Variants in DHH observed in about 807,000 individuals in gnomAD.
DHH encodes desert hedgehog signaling molecule, also known as desert hedgehog protein.
Under a neutral mutation model 27.6 loss-of-function variants are expected in DHH, and 16 were observed. The ratio of observed to expected loss-of-function variants is 0.58; its 90% confidence interval spans 0.39 to 0.88. The LOEUF (loss-of-function observed/expected upper bound fraction) is 0.88. Ranked by LOEUF, DHH falls within the 40% of genes least tolerant of loss-of-function variation. The probability of loss-of-function intolerance (pLI) is 0.00; values close to 1 mark genes in which losing one functional copy is unlikely to be tolerated. For synonymous variants in DHH, 289 were observed against 263.4 expected (o/e 1.10, Z -0.94); for missense variants, 436 against 563.1 (o/e 0.77, Z 2.28).
Position 49,090,603 on chromosome 12 carries a change from C to T in DHH, c.566-119G>A, listed in dbSNP as rs1939282351. The T allele has an allele frequency of 2.2e-6, 3 of 1,373,742 alleles. No homozygotes were observed. In the African/African-American group the frequency reaches 4.3e-5, roughly 20 times the overall value. 85.1% of individuals were successfully genotyped at this position (1,373,742 alleles called of 1,614,324 possible). The stretch of plus-strand genomic sequence containing the variant: ...ACAATTTTCCGTTAATCTGACTGGC[C>T]CCAACCTGGGCAGAAAAGGAAGGGC... On this transcript the variant is annotated intron_variant, in intron 2 of 2. Transcript: ENST00000649637. This position sits in a 1 kb window ranked among gnomAD's most constrained non-coding sequence, Gnocchi z 5.2.
At position 49,089,238 on chromosome 12, in the gene DHH, C is replaced by T. The variant is rs528365693; in HGVS notation, c.*621G>A. 2.0e-5 allele frequency among the ~76,000 whole-genome samples: 3 copies of T among 152,358 alleles called. No individual in the cohort carries two copies. The highest frequency in any genetic ancestry group is 6.5e-5 in the Admixed American group (1 of 15,300). On this transcript the variant is annotated 3_prime_UTR_variant, in exon 3 of 3. Transcript: ENST00000649637. ...CTGGATGGGAGACGGAAACAGCAGC[C>T]TGGAAAAGGGTACGACTCTTGTGGG...
intron 1 of DHH, 85 bp downstream of exon 1, chr12:49,094,124 GA>G: frequency 6.8e-7 from 1 of 1,463,454 alleles, no homozygotes; most frequent in Non-Finnish European, 9.5e-7. Flanking sequence ...CTCTGTAGGT[GA>G]AGCTGGACTC....
In DHH at chr12:49,089,683, C is replaced by A. The variant is rs1939259374; in HGVS notation, c.*176G>T. 1.3e-6 allele frequency: 1 copy of A among 769,246 alleles called. No homozygotes were observed. The highest frequency in any genetic ancestry group is 3.1e-5 in the East Asian group (1 of 32,366). 47.7% of individuals were successfully genotyped at this position (769,246 alleles called of 1,614,324 possible). A position where few individuals can be genotyped will look rare whatever the true frequency, so the allele number is the denominator to read the frequency against. ...ACCATCAGCCCTACCTACCTAGGAC[C>A]CGGTATCACCTCCTCTCAGTACGAG... On this transcript the variant is annotated 3_prime_UTR_variant, in exon 3 of 3. Coordinates refer to ENST00000649637, the MANE Select transcript of DHH (RefSeq NM_021044.4).
Position 49,089,699 on chromosome 12 carries a change from T to G in DHH, c.*160A>C, listed in dbSNP as rs772948509. The G allele has an allele frequency of 4.8e-5, 45 of 931,744 alleles. No homozygotes were observed. Among genetic ancestry groups the G allele is most frequent in the African/African-American group, 8.5e-5 (5 of 58,610 alleles). The allele number at this position is 931,744 out of a possible 1,614,324, so 57.7% of individuals were successfully genotyped here. A position where few individuals can be genotyped will look rare whatever the true frequency, so the allele number is the denominator to read the frequency against. Reference sequence around the variant, plus strand: ...ACCTAGGACCCGGTATCACCTCCTCTCAGTACGAGGTTGCCCCTAAGCCAG... The same window carrying G: ...ACCTAGGACCCGGTATCACCTCCTCGCAGTACGAGGTTGCCCCTAAGCCAG... On this transcript the variant is annotated 3_prime_UTR_variant, in exon 3 of 3. Coordinates refer to ENST00000649637, the MANE Select transcript of DHH (RefSeq NM_021044.4).
rs940186225 is a variant in DHH, at chr12:49,088,909, C to T, written c.*950G>A. ...ATATTCCAGCCTCTTACTGTGCCCC[C>T]CTTCCTTTTTCAGGCCATGACTATG... On this transcript the variant is annotated 3_prime_UTR_variant, in exon 3 of 3. Transcript: ENST00000649637. 3.9e-5 allele frequency among the ~76,000 whole-genome samples: 6 copies of T among 152,242 alleles called. No individual in the cohort carries two copies. Among genetic ancestry groups the T allele is most frequent in the Admixed American group, 2.0e-4 (3 of 15,286 alleles).
chr12:49,090,314 C>T lies in DHH; in HGVS notation c.736G>A (p.Asp246Asn). ...ACAAATGAAGCCCGGCGCTGCAAGT[C>T]CCGGTCCAGGAAGAGCAGCACCGGC... The part of the protein sequence containing the change: ...PTPVLLFLDR[D>N]LQRRASFVAV... Residue 246 changes from aspartate (D) to asparagine (N), a missense_variant, in exon 3 of 3, where the codon GAC becomes AAC. Transcript: ENST00000649637. The surrounding 1 kb of genome is among the most constrained non-coding windows in gnomAD (Gnocchi z 5.2). The T allele has an allele frequency of 2.5e-6, 4 of 1,600,744 alleles. No individual in the cohort carries two copies. Among genetic ancestry groups the T allele is most frequent in the South Asian group, 2.3e-5 (2 of 88,872 alleles).
rs1410404415 is a variant in DHH at position 49,089,253 on chromosome 12, A to G, written c.*606T>C. 1.3e-5 allele frequency among the ~76,000 whole-genome samples: 2 copies of G among 151,978 alleles called. No homozygotes were observed. Among genetic ancestry groups the G allele is most frequent in the Non-Finnish European group, 2.9e-5 (2 of 67,996 alleles). ...AAACAGCAGCCTGGAAAAGGGTACG[A>G]CTCTTGTGGGCTCTGTTGCTTATGG... On this transcript the variant is annotated 3_prime_UTR_variant, in exon 3 of 3. Coordinates refer to ENST00000649637, the MANE Select transcript of DHH (RefSeq NM_021044.4).
At position 49,090,591 on chromosome 12, in the gene DHH, A is replaced by G; in HGVS notation, c.566-107T>C. 1 of 1,463,358 alleles carries G rather than the reference A, an allele frequency of 6.8e-7. No homozygotes were observed. Among genetic ancestry groups the G allele is most frequent in the Non-Finnish European group, 9.3e-7 (1 of 1,080,710 alleles). 90.6% of individuals were successfully genotyped at this position (1,463,358 alleles called of 1,614,324 possible). ...GTCATGGACAACACAATTTTCCGTT[A>G]ATCTGACTGGCCCCAACCTGGGCAG... On this transcript the variant is annotated intron_variant, in intron 2 of 2. Coordinates refer to ENST00000649637, the MANE Select transcript of DHH (RefSeq NM_021044.4). This position sits in a 1 kb window ranked among gnomAD's most constrained non-coding sequence, Gnocchi z 5.2.
chr12:49,087,484 C>T lies in DHH; in HGVS notation c.*2375G>A, dbSNP rs1463264955. Among the ~76,000 whole-genome samples, 2 of 152,160 alleles carry T rather than the reference C, an allele frequency of 1.3e-5. No individual in the cohort carries two copies. Among genetic ancestry groups the T allele is most frequent in the South Asian group, 2.1e-4 (1 of 4,832 alleles). On this transcript the variant is annotated 3_prime_UTR_variant, in exon 3 of 3. Coordinates refer to ENST00000649637, the MANE Select transcript of DHH (RefSeq NM_021044.4). ...ATTCCAGCACTTTGTGGGGCAAAGG[C>T]GGGAGCCCAGGAGTTCAAGACCAGC...
chr12:49,089,558 A>C lies in DHH; in HGVS notation c.*301T>G. ...TCACCTTGGCAAGCTGGGCAAGGGA[A>C]TCATTATATTACAATTTATAAATAA... On this transcript the variant is annotated 3_prime_UTR_variant, in exon 3 of 3. Transcript: ENST00000649637. 2 of 265,532 alleles carry C rather than the reference A, an allele frequency of 7.5e-6. No homozygotes were observed. The highest frequency in any genetic ancestry group is 6.6e-5 in the East Asian group (1 of 15,240). 16.4% of individuals were successfully genotyped at this position (265,532 alleles called of 1,614,324 possible). A position where few individuals can be genotyped will look rare whatever the true frequency, so the allele number is the denominator to read the frequency against.
In DHH at chr12:49,089,959, T is replaced by G; in HGVS notation, c.1091A>C (p.His364Pro). The G allele has an allele frequency of 6.3e-7, 1 of 1,576,808 alleles. No homozygotes were observed. The highest frequency in any genetic ancestry group is 8.6e-7 in the Non-Finnish European group (1 of 1,162,150). The change falls in exon 3 of 3, where the codon CAC becomes CCC. Residue 364 changes from histidine (H) to proline (P), a missense_variant. Transcript: ENST00000649637. ...HRAFAPLRLL[H>P]ALGALLPGGA... The stretch of plus-strand genomic sequence containing the variant: ...GCCGGGGAGCAGCGCCCCTAGCGCG[T>G]GCAGCAGTCTCAAGGGGGCAAAAGC...
intron 1 of DHH, among the ~76,000 whole-genome samples, chr12:49,092,674 G>T (rs1382146537): frequency 6.6e-6 from 1 of 152,214 alleles, no homozygotes; most frequent in Non-Finnish European, 1.5e-5. Flanking sequence ...AGGAGGCCCC[G>T]AGGCCCTGAC....
chr12:49,092,656 G>A (rs1465079570), intron 1 of DHH, among the ~76,000 whole-genome samples: 1 of 152,196 alleles, frequency 6.6e-6, no homozygotes, highest in South Asian at 2.1e-4. Context: ...TTGTCGTTTC[G>A]TCCCCTAAGG....
Position 49,087,677 on chromosome 12 carries a change from TG to T in DHH, c.*2181del, listed in dbSNP as rs1189087540. Among the ~76,000 whole-genome samples the T allele has an allele frequency of 1.2e-4, 18 of 152,298 alleles. No homozygotes were observed. Among genetic ancestry groups the T allele is most frequent in the African/African-American group, 4.1e-4 (17 of 41,566 alleles). On this transcript the variant is annotated 3_prime_UTR_variant, in exon 3 of 3. Coordinates refer to ENST00000649637, the MANE Select transcript of DHH (RefSeq NM_021044.4). ...AAGGTCACACCACTGCACTCCAGCG[TG>T]GGCAACAGAGCGAGATCCTGTCTCT...
rs1182365515 is a variant in DHH, at chr12:49,087,801, C to T, written c.*2058G>A. On this transcript the variant is annotated 3_prime_UTR_variant, in exon 3 of 3. Transcript: ENST00000649637. Reference sequence around the variant, plus strand: ...AACATAGGACAACTAATTCATTTATCGGATTAGTCATCACCTGTGGTGACA... The same window carrying T: ...AACATAGGACAACTAATTCATTTATTGGATTAGTCATCACCTGTGGTGACA... 2.0e-5 allele frequency among the ~76,000 whole-genome samples: 3 copies of T among 152,142 alleles called. No homozygotes were observed. The highest frequency in any genetic ancestry group is 2.9e-5 in the Non-Finnish European group (2 of 68,040).
In DHH at chr12:49,089,919, C is replaced by G. The variant is rs1470489476; in HGVS notation, c.1131G>C (p.Pro377=). The change falls in exon 3 of 3, where the codon CCG becomes CCC. Residue 377 remains proline, a synonymous_variant. Coordinates refer to ENST00000649637, the MANE Select transcript of DHH (RefSeq NM_021044.4). Reference sequence around the variant, plus strand: ...GCCGAGAGTACCAATGCATGCCAGTCGGCTGGACGGCCCCGCCGGGGAGCA... The same window carrying G: ...GCCGAGAGTACCAATGCATGCCAGTGGGCTGGACGGCCCCGCCGGGGAGCA... ...GALLPGGAVQ[P]TGMHWYSRLL... 6.3e-7 allele frequency: 1 copy of G among 1,590,002 alleles called. No homozygotes were observed.
In DHH at chr12:49,088,673, A is replaced by AC. The variant is rs905097934; in HGVS notation, c.*1185dup. Among the ~76,000 whole-genome samples, 2 of 152,132 alleles carry AC rather than the reference A, an allele frequency of 1.3e-5. No individual in the cohort carries two copies. Among genetic ancestry groups the AC allele is most frequent in the African/African-American group, 4.8e-5 (2 of 41,418 alleles). ...GCGTTGGAACCTAAAGGTTCCAAAA[A>AC]CACCCAGGCTAGGGAAGTAGAGCTG... On this transcript the variant is annotated 3_prime_UTR_variant, in exon 3 of 3. Transcript: ENST00000649637.
In DHH at chr12:49,087,192, A is replaced by ATTT. The variant is rs57658147; in HGVS notation, c.*2664_*2666dup. On this transcript the variant is annotated 3_prime_UTR_variant, in exon 3 of 3. Transcript: ENST00000649637. ...ATTGCCGCTTGAAGGCAAGTCATGG[A>ATTT]TTTTTTTTTTTTTTGAGAGTTAGGA... Among the ~76,000 whole-genome samples, 32 of 146,356 alleles carry ATTT rather than the reference A, an allele frequency of 2.2e-4. No homozygotes were observed. Among genetic ancestry groups the ATTT allele is most frequent in the African/African-American group, 8.0e-4 (32 of 39,982 alleles).
Position 49,090,707 on chromosome 12 carries a change from G to A in DHH, c.566-223C>T, listed in dbSNP as rs151337297. On this transcript the variant is annotated intron_variant, in intron 2 of 2. Coordinates refer to ENST00000649637, the MANE Select transcript of DHH (RefSeq NM_021044.4). This position sits in a 1 kb window ranked among gnomAD's most constrained non-coding sequence, Gnocchi z 5.2. ...TGTATGTATGTATGTATGTATGTATGTATGTATTTTGAGATAGAATCTCGC... is the reference window on the plus strand; with the variant it reads ...TGTATGTATGTATGTATGTATGTATATATGTATTTTGAGATAGAATCTCGC... Among the ~76,000 whole-genome samples the A allele has an allele frequency of 6.8e-6, 1 of 147,646 alleles. No individual in the cohort carries two copies. Among genetic ancestry groups the A allele is most frequent in the Non-Finnish European group, 1.5e-5 (1 of 66,924 alleles).
Sources: gnomAD v4.1 joint callset for allele counts (sites outside exome capture counted in the v4.1 genomes callset) on GRCh38, gnomAD v4.1.1 for gene constraint, Gnocchi (gnomAD v3.1) non-coding constraint, MANE v1.5 for transcripts, NCBI Gene and HGNC (gene_info 2026-07-23, HGNC 2026-07-21) for gene names.